The following ZNF420 variants were observed in gnomAD, a reference collection of about 807,000 sequenced individuals.
ZNF420 encodes ATM and p53-associated KZNF protein.
In ZNF420, 31 loss-of-function variants were observed where a neutral mutation model predicts 44.7. The observed-to-expected ratio is 0.69, with a 90% CI of 0.52 to 0.94. The LOEUF is 0.94. Ranked by LOEUF, ZNF420 falls within the 40% of genes least tolerant of loss-of-function variation. The pLI is 0.00. For synonymous variants in ZNF420, 245 were observed against 267.4 expected, an observed-to-expected ratio of 0.92 and a Z score of 0.82; for missense variants, 681 against 827.9, an observed-to-expected ratio of 0.82 and a Z score of 2.18.
intron 1 of ZNF420, among the ~76,000 whole-genome samples, chr19:37,021,661 A>G (rs2074649247): frequency 6.6e-6 from 1 of 152,084 alleles, no homozygotes; most frequent in Non-Finnish European, 1.5e-5. Context: ...GTTGTAGGCC[A>G]GGAGCAGTGG....
intron 1 of ZNF420, among the ~76,000 whole-genome samples, chr19:37,065,268 T>TA (rs1278061273): frequency 2.0e-5 from 3 of 152,150 alleles, no homozygotes; most frequent in Non-Finnish European, 2.9e-5. Flanking sequence ...ATGGTAGGCT[T>TA]CCACCCTTTA....
intron 4 of ZNF420, among the ~76,000 whole-genome samples, chr19:37,105,754 C>T (rs1201220523): frequency 1.3e-5 from 2 of 152,082 alleles, no homozygotes; most frequent in African/African-American, 2.4e-5. Context: ...CCTTCACATC[C>T]CTTGTAAGTT....
intron 1 of ZNF420, among the ~76,000 whole-genome samples, chr19:37,014,997 C>A (rs1034948326): frequency 5.3e-5 from 8 of 152,224 alleles, no homozygotes; most frequent in African/African-American, 1.9e-4. Context: ...AGTCGTCCCC[C>A]CGGGATTTGG....
intron 4 of ZNF420, 87 bp from the exon 5 acceptor site, chr19:37,127,037 CTGTT>C: frequency 2.7e-6 from 3 of 1,108,918 alleles, no homozygotes; most frequent in Non-Finnish European, 3.7e-6. Context: ...TCATGTATGT[CTGTT>C]ATTTCTTATG....
chr19:37,045,606 C>T (rs866727203), intron 1 of ZNF420, among the ~76,000 whole-genome samples: 2 of 152,268 alleles, frequency 1.3e-5, no homozygotes, highest in Middle Eastern at 3.4e-3. Context: ...CTGTAACCTC[C>T]ATTTACGTTT....
chr19:37,106,378 G>A (rs1415819130), intron 4 of ZNF420, among the ~76,000 whole-genome samples: 1 of 152,106 alleles, frequency 6.6e-6, no homozygotes, highest in Non-Finnish European at 1.5e-5. Flanking sequence ...CTTGATCATG[G>A]GTAGATAAAC....
chr19:37,098,952 G>A (rs73626558), intron 4 of ZNF420, among the ~76,000 whole-genome samples: 2,937 of 152,192 alleles, frequency 0.019, 78 homozygotes, highest in East Asian at 0.05. Flanking sequence ...TGTTCTTGGC[G>A]TATTTCACTT....
chr19:37,099,069 A>T (rs1969615647), intron 4 of ZNF420, among the ~76,000 whole-genome samples: 1 of 152,162 alleles, frequency 6.6e-6, no homozygotes, highest in African/African-American at 2.4e-5. Context: ...ATTTTTGAAA[A>T]TCCATTTATC....
At chr19:37,079,033 G>A (rs1305315736) in intron 1 of ZNF420, among the ~76,000 whole-genome samples, 1 of 152,114 alleles carries the variant, frequency 6.6e-6, no homozygotes, top group Non-Finnish European at 1.5e-5. Flanking sequence ...GTACTGGGTT[G>A]GGTGACTGTC....
At chr19:37,123,057 T>C (rs1447078256) in intron 4 of ZNF420, among the ~76,000 whole-genome samples, 2 of 152,198 alleles carry the variant, frequency 1.3e-5, no homozygotes, top group African/African-American at 4.8e-5. Flanking sequence ...AAAACCTGCA[T>C]AGTCTTCCTT....
chr19:37,108,760 TTC>T (rs143929011), intron 4 of ZNF420, among the ~76,000 whole-genome samples: 6,243 of 152,248 alleles, frequency 0.041, 176 homozygotes, highest in Non-Finnish European at 0.057. Context: ...TGTCTAAACT[TTC>T]TGTTAAGTCA....
intron 2 of ZNF420, among the ~76,000 whole-genome samples, chr19:37,087,786 C>T (rs1968907858): frequency 6.6e-6 from 1 of 152,196 alleles, no homozygotes; most frequent in Non-Finnish European, 1.5e-5. Flanking sequence ...GCTGGGACTA[C>T]AGGCGCTCGC....
At chr19:37,059,583 G>A (rs1967831982) in intron 1 of ZNF420, among the ~76,000 whole-genome samples, 1 of 152,170 alleles carries the variant, frequency 6.6e-6, no homozygotes, top group South Asian at 2.1e-4. Flanking sequence ...TCTGGGGGAA[G>A]CGGCGCGGCA....
chr19:37,057,261 G>T (rs569503540), intron 1 of ZNF420, among the ~76,000 whole-genome samples: 1 of 152,226 alleles, frequency 6.6e-6, no homozygotes, highest in African/African-American at 2.4e-5. Flanking sequence ...AGGCCTGCCC[G>T]GACGGGGATC....
intron 1 of ZNF420, among the ~76,000 whole-genome samples, chr19:37,061,053 A>G (rs950980511): frequency 1.3e-5 from 2 of 152,112 alleles, no homozygotes; most frequent in Admixed American, 6.5e-5. Context: ...CAGGTGTTCT[A>G]TGATTTTCGT....
intron 1 of ZNF420, among the ~76,000 whole-genome samples, chr19:37,009,336 C>T (rs893815707): frequency 2.0e-5 from 3 of 152,188 alleles, no homozygotes; most frequent in Admixed American, 6.5e-5. Flanking sequence ...CAAAATGTGG[C>T]TTGGACTTAC....
chr19:37,023,112 T>G (rs2074661618), intron 1 of ZNF420, among the ~76,000 whole-genome samples: 3 of 151,668 alleles, frequency 2.0e-5, no homozygotes, highest in African/African-American at 7.3e-5. Flanking sequence ...CACTCCAGCC[T>G]GGGTGACAGA....
At chr19:37,052,473 T>G (rs2146425958) in intron 1 of ZNF420, among the ~76,000 whole-genome samples, 1 of 152,320 alleles carries the variant, frequency 6.6e-6, no homozygotes, top group African/African-American at 2.4e-5. Context: ...TCTTTACAAT[T>G]TGGCATGTTT....
intron 4 of ZNF420, among the ~76,000 whole-genome samples, chr19:37,126,428 AAGG>A (rs1227746789): frequency 1.3e-5 from 2 of 152,190 alleles, no homozygotes; most frequent in Non-Finnish European, 2.9e-5. Flanking sequence ...ATACATAAGC[AAGG>A]AGAAGACCAT....
Sources: gnomAD v4.1 joint callset for allele counts (sites outside exome capture counted in the v4.1 genomes callset) on GRCh38, gnomAD v4.1.1 for gene constraint, MANE v1.5 for transcripts, NCBI Gene and HGNC (gene_info 2026-07-23, HGNC 2026-07-21) for gene names.